POFUT3: variants seen among roughly 807,000 people sequenced by gnomAD.
POFUT3 encodes GDP-fucose protein O-fucosyltransferase 3.
chr8:33,378,025 C>A, the POFUT3 span, among the ~76,000 whole-genome samples: 4 of 152,214 alleles, frequency 2.6e-5, no homozygotes, highest in African/African-American at 9.6e-5. Context: ...AGTGGAGTAA[C>A]CATATCAGCT....
the POFUT3 span, among the ~76,000 whole-genome samples, chr8:33,314,929 G>A: frequency 1.3e-5 from 2 of 152,180 alleles, no homozygotes; most frequent in Non-Finnish European, 2.9e-5. Context: ...TTGAGTGTAT[G>A]GCTTTGGATG....
the POFUT3 span, among the ~76,000 whole-genome samples, chr8:33,384,934 G>A: frequency 2.0e-5 from 3 of 151,804 alleles, no homozygotes; most frequent in Non-Finnish European, 4.4e-5. Flanking sequence ...ACATGACACT[G>A]TGACAACAAT....
the POFUT3 span, among the ~76,000 whole-genome samples, chr8:33,363,617 T>A: frequency 6.6e-6 from 1 of 152,182 alleles, no homozygotes; most frequent in Admixed American, 6.5e-5. Context: ...AAATACCAAC[T>A]ACCATCAGAG....
chr8:33,430,116 G>A, the POFUT3 span, among the ~76,000 whole-genome samples: 1 of 152,006 alleles, frequency 6.6e-6, no homozygotes, highest in Non-Finnish European at 1.5e-5. Flanking sequence ...TTTACACCGA[G>A]GCTATGACTG....
the POFUT3 span, among the ~76,000 whole-genome samples, chr8:33,458,485 C>A: frequency 6.6e-6 from 1 of 152,064 alleles, no homozygotes. Context: ...GAGGCCAAGG[C>A]GGGTGAATCA....
At chr8:33,369,492 TC>T in the POFUT3 span, among the ~76,000 whole-genome samples, 7 of 152,332 alleles carry the variant, frequency 4.6e-5, no homozygotes, top group Non-Finnish European at 1.0e-4. Flanking sequence ...TATATTTTGC[TC>T]CAGAACTGTG....
At chr8:33,389,013 C>A in the POFUT3 span, 1 of 1,614,186 alleles carries the variant, frequency 6.2e-7, no homozygotes, top group South Asian at 1.1e-5. Context: ...ACCATACACT[C>A]AAATGCATCG....
the POFUT3 span, among the ~76,000 whole-genome samples, chr8:33,380,176 C>G: frequency 1.0e-4 from 6 of 58,020 alleles, no homozygotes; most frequent in African/African-American, 5.9e-4. Context: ...TATATATATA[C>G]TATATATATA....
chr8:33,360,039 A>G, the POFUT3 span, among the ~76,000 whole-genome samples: 2 of 151,198 alleles, frequency 1.3e-5, no homozygotes, highest in Non-Finnish European at 3.0e-5. Flanking sequence ...AAACAAAACA[A>G]CAACAAAAAA....
the POFUT3 span, among the ~76,000 whole-genome samples, chr8:33,441,390 T>C: frequency 6.7e-6 from 1 of 148,814 alleles, no homozygotes; most frequent in African/African-American, 2.5e-5. Flanking sequence ...TTTTTTTTTT[T>C]TTTTTTTTGA....
At chr8:33,395,694 C>A in the POFUT3 span, among the ~76,000 whole-genome samples, 20 of 152,234 alleles carry the variant, frequency 1.3e-4, no homozygotes, top group African/African-American at 4.8e-4. Flanking sequence ...TAGCCATCCA[C>A]GGACGACAAG....
chr8:33,470,415 G>T, the POFUT3 span, among the ~76,000 whole-genome samples: 2 of 152,040 alleles, frequency 1.3e-5, no homozygotes, highest in South Asian at 4.1e-4. Flanking sequence ...GCTAGACCCT[G>T]TCTCAAAAAT....
At chr8:33,334,970 T>C in the POFUT3 span, among the ~76,000 whole-genome samples, 2 of 152,220 alleles carry the variant, frequency 1.3e-5, no homozygotes, top group East Asian at 3.9e-4. Flanking sequence ...ATAAGCAGGC[T>C]TTGAGAATAA....
the POFUT3 span, among the ~76,000 whole-genome samples, chr8:33,332,853 C>T: frequency 1.1e-4 from 17 of 152,288 alleles, no homozygotes; most frequent in African/African-American, 3.6e-4. Flanking sequence ...TTCCAAGTCT[C>T]TTTTGCCCCA....
chr8:33,319,443 A>G, the POFUT3 span, among the ~76,000 whole-genome samples: 14 of 44,852 alleles, frequency 3.1e-4, 1 homozygote, highest in Admixed American at 3.8e-3. Flanking sequence ...TTTTTTATAT[A>G]TTTATATAAT....
the POFUT3 span, among the ~76,000 whole-genome samples, chr8:33,308,513 G>T: frequency 6.6e-6 from 1 of 152,068 alleles, no homozygotes; most frequent in Non-Finnish European, 1.5e-5. Flanking sequence ...ACATTCTAAA[G>T]CATCAGATCT....
the POFUT3 span, among the ~76,000 whole-genome samples, chr8:33,318,075 G>C: frequency 1.3e-5 from 2 of 152,226 alleles, no homozygotes; most frequent in South Asian, 2.1e-4. Flanking sequence ...AGGTGAGAGA[G>C]TGCAGTCTTT....
chr8:33,319,426 ATATATATTTTT>A, the POFUT3 span, among the ~76,000 whole-genome samples: 135 of 69,516 alleles, frequency 1.9e-3, 21 homozygotes, highest in Non-Finnish European at 2.9e-3. Context: ...AATATATTAT[ATATATATTTTT>A]TATATATTTA....
At chr8:33,387,779 G>A in the POFUT3 span, among the ~76,000 whole-genome samples, 1 of 152,118 alleles carries the variant, frequency 6.6e-6, no homozygotes, top group Non-Finnish European at 1.5e-5. Context: ...ACTCCAGCCT[G>A]GGCAACAGAG....
Sources: gnomAD v4.1 joint callset for allele counts (sites outside exome capture counted in the v4.1 genomes callset) on GRCh38, gnomAD v4.1.1 for gene constraint, MANE v1.5 for transcripts, NCBI Gene and HGNC (gene_info 2026-07-23, HGNC 2026-07-21) for gene names.